Variants in PKN2 observed in about 807,000 individuals in gnomAD.
PKN2 encodes protein kinase N2.
Under a neutral mutation model 119.1 loss-of-function variants are expected in PKN2, and 38 were observed. The observed-to-expected ratio is 0.32, with a 90% confidence interval of 0.25 to 0.42. PKN2 has a LOEUF of 0.42. Among genes scored for constraint, PKN2 ranks in the 10% least tolerant of loss-of-function variants. The pLI, the probability that PKN2 is intolerant of heterozygous loss-of-function variation, is 1.00. For synonymous variants in PKN2, 390 were observed against 384.9 expected, an observed-to-expected ratio of 1.01 and a Z score of -0.15; for missense variants, 850 against 1,165.1, an observed-to-expected ratio of 0.73 and a Z score of 3.94.
chr1:88,741,191 C>A lies in PKN2; in HGVS notation c.252C>A (p.Asn84Lys). ...AAAAAAGTTTGGCTTATGTAGACAA[C>A]ATTTTGAAAAAATCAAATAAAAAAT... ...TDKKSLAYVD[N>K]ILKKSNKKLE... Residue 84 changes from asparagine to lysine, a missense_variant, in exon 2 of 22, where the codon AAC becomes AAA. Physicochemically the swap from Asn to Lys is moderately conservative, Grantham distance 94. This residue lies in a region of PKN2 where 350 missense variants were observed against 511.1 expected (regional missense o/e 0.68). Coordinates refer to ENST00000370521, the MANE Select transcript of PKN2 (RefSeq NM_006256.4). 1 of 1,602,658 alleles carries A rather than the reference C, an allele frequency of 6.2e-7. No individual in the cohort carries two copies. The highest frequency in any genetic ancestry group is 8.5e-7 in the Non-Finnish European group (1 of 1,176,398).
At chr1:88,805,422 A>G in intron 10 of PKN2, 75 bp from the exon 11 acceptor site, 1 of 1,284,852 alleles carries the variant, frequency 7.8e-7, no homozygotes, top group Non-Finnish European at 1.1e-6. Context: ...CTAATGGATA[A>G]GAATTTTTAA....
chr1:88,820,198 A>AACC lies in PKN2; in HGVS notation c.2280-1743_2280-1742insACC, dbSNP rs1672198755. 1.4e-4 allele frequency among the ~76,000 whole-genome samples: 6 copies of AACC among 43,934 alleles called. No homozygotes were observed. The South Asian group carries it at 6.0e-3, about 44-fold the overall frequency. The allele number at this position is 43,934 out of a possible 152,430, so 28.8% of individuals were successfully genotyped here. A position where few individuals can be genotyped will look rare whatever the true frequency, so the allele number is the denominator to read the frequency against. ...CAGAAACCTATATATATATATATAT[A>AACC]TATATATATATATATATATATATAT... On this transcript the variant is annotated intron_variant, in intron 16 of 21. Coordinates refer to ENST00000370521, the MANE Select transcript of PKN2 (RefSeq NM_006256.4).
intron 3 of PKN2, among the ~76,000 whole-genome samples, chr1:88,764,914 G>C (rs1023597112): frequency 6.6e-6 from 1 of 151,746 alleles, no homozygotes; most frequent in African/African-American, 2.4e-5. Flanking sequence ...TGTTGTTATT[G>C]TTGTTTTGTT....
At chr1:88,806,332 G>C (rs1671539765) in intron 12 of PKN2, 1 of 286,232 alleles carries the variant, frequency 3.5e-6, no homozygotes, top group Non-Finnish European at 6.7e-6. Context: ...ACCATGCCTG[G>C]CTAATTTTTG....
chr1:88,740,205 C>G (rs975662374), intron 1 of PKN2, among the ~76,000 whole-genome samples: 2 of 151,954 alleles, frequency 1.3e-5, no homozygotes, highest in Non-Finnish European at 2.9e-5. Context: ...AACCAACCTC[C>G]CACACATACC....
chr1:88,818,059 G>A (rs1330640674), intron 16 of PKN2, among the ~76,000 whole-genome samples: 2 of 152,068 alleles, frequency 1.3e-5, no homozygotes. Context: ...AAAATCACAA[G>A]CATAATACAC....
rs757183405 is a variant in PKN2, at chr1:88,770,313, CTTTA to C, written c.505-35_505-32del. 4.2e-6 allele frequency: 5 copies of C among 1,197,964 alleles called. 1 individual carries two copies. The South Asian group carries it at 6.1e-5, about 15-fold the overall frequency. The allele number at this position is 1,197,964 out of a possible 1,614,324, so 74.2% of individuals were successfully genotyped here. On this transcript the variant is annotated intron_variant, in intron 3 of 21. Coordinates refer to ENST00000370521, the MANE Select transcript of PKN2 (RefSeq NM_006256.4). ...AGATAGGAAAATGTTTCATTTTTCC[CTTTA>C]TTTGCTTAATTTTTCAAACTTATTT...
rs537530284 is a variant in PKN2, at chr1:88,705,812, A to G, written c.48+21184A>G. On this transcript the variant is annotated intron_variant, in intron 1 of 21. Coordinates refer to ENST00000370521, the MANE Select transcript of PKN2 (RefSeq NM_006256.4). ...TTCTGCTCTCTCCTGATCCATTGCTATATTTATTATTATTTTTTTTTGCCA... is the reference window on the plus strand; with the variant it reads ...TTCTGCTCTCTCCTGATCCATTGCTGTATTTATTATTATTTTTTTTTGCCA... Among the ~76,000 whole-genome samples, 13 of 151,920 alleles carry G rather than the reference A, an allele frequency of 8.6e-5. No individual in the cohort carries two copies. The East Asian group carries it at 2.3e-3, about 27-fold the overall frequency.
At chr1:88,708,570 A>T (rs10801682) in intron 1 of PKN2, among the ~76,000 whole-genome samples, 76,556 of 150,982 alleles carry the variant, frequency 0.51, 20,056 homozygotes, top group Middle Eastern at 0.71. Flanking sequence ...TGAGAAATGA[A>T]GTGTATTTCG....
At chr1:88,819,282 A>G (rs1327940163) in intron 16 of PKN2, among the ~76,000 whole-genome samples, 1 of 152,224 alleles carries the variant, frequency 6.6e-6, no homozygotes, top group Non-Finnish European at 1.5e-5. Flanking sequence ...TCCATCTGAC[A>G]AAGGGCTAAT....
rs1333499772 is a variant in PKN2 at position 88,813,592 on chromosome 1, A to C, written c.2138A>C (p.Asn713Thr). Residue 713 changes from asparagine to threonine, a missense_variant, in exon 16 of 22, where the codon AAT becomes ACT. Coordinates refer to ENST00000370521, the MANE Select transcript of PKN2 (RefSeq NM_006256.4). ...GAAAAAAGAATTTTTGAAACTGTGA[A>C]TAGTGTAAGGCATCCCTTTTTGGTG... ...MCEKRIFETV[N>T]SVRHPFLVNL... is the part of the protein sequence containing the mutation. 1 of 1,599,560 alleles carries C rather than the reference A, an allele frequency of 6.3e-7. No individual in the cohort carries two copies. Among genetic ancestry groups the C allele is most frequent in the African/African-American group, 1.4e-5 (1 of 73,896 alleles).
intron 8 of PKN2, among the ~76,000 whole-genome samples, chr1:88,792,522 A>T (rs1670887118): frequency 6.6e-6 from 1 of 152,198 alleles, no homozygotes; most frequent in Admixed American, 6.5e-5. Context: ...TAGGGAGCAC[A>T]AGCCTACATT....
intron 1 of PKN2, among the ~76,000 whole-genome samples, chr1:88,734,199 G>A (rs1159627301): frequency 6.6e-6 from 1 of 151,506 alleles, no homozygotes; most frequent in African/African-American, 2.4e-5. Flanking sequence ...TTAGAGTTTT[G>A]GATTTAGAAT....
chr1:88,689,555 A>G (rs1666248088), intron 1 of PKN2, among the ~76,000 whole-genome samples: 1 of 152,194 alleles, frequency 6.6e-6, no homozygotes, highest in Admixed American at 6.5e-5. Context: ...TCACACCTGT[A>G]ATTCCAGTGC....
intron 18 of PKN2, among the ~76,000 whole-genome samples, chr1:88,826,642 TA>T (rs1055638231): frequency 6.6e-6 from 1 of 152,114 alleles, no homozygotes; most frequent in African/African-American, 2.4e-5. Context: ...TAGATGGTAT[TA>T]TTAACTCTCA....
intron 1 of PKN2, among the ~76,000 whole-genome samples, chr1:88,703,119 G>A (rs1353373135): frequency 6.6e-6 from 1 of 152,058 alleles, no homozygotes; most frequent in East Asian, 1.9e-4. Flanking sequence ...TCAATAAAAT[G>A]CAGTAGTTAT....
intron 6 of PKN2, among the ~76,000 whole-genome samples, chr1:88,777,155 CT>C (rs1670141696): frequency 6.6e-6 from 1 of 152,146 alleles, no homozygotes; most frequent in Non-Finnish European, 1.5e-5. Context: ...AATTGGCTCA[CT>C]TTTTCTTCTG....
Position 88,771,577 on chromosome 1 carries a change from A to C in PKN2, c.768+11A>C. 6.4e-7 allele frequency: 1 copy of C among 1,566,892 alleles called. No individual in the cohort carries two copies. Among genetic ancestry groups the C allele is most frequent in the Non-Finnish European group, 8.6e-7 (1 of 1,159,672 alleles). ...AAAGCACTTTCAGAAGTAATTTTAA[A>C]TAAAAATTTTTATTTGGTTTAATAA... On this transcript the variant is annotated intron_variant, in intron 5 of 21. Coordinates refer to ENST00000370521, the MANE Select transcript of PKN2 (RefSeq NM_006256.4).
rs3767381 is a variant in PKN2 at position 88,742,238 on chromosome 1, C to T, written c.349+950C>T. On this transcript the variant is annotated intron_variant, in intron 2 of 21. Transcript: ENST00000370521. The stretch of plus-strand genomic sequence containing the variant: ...AATTTAGAAGAACGTGTGTGATTAG[C>T]TAATAAATAATAGATGTAAGTAATT... Among the ~76,000 whole-genome samples the T allele has an allele frequency of 1.1e-3, 165 of 152,068 alleles. 2 individuals carry two copies. In the East Asian group the frequency reaches 0.014, roughly 13 times the overall value.
Sources: allele counts gnomAD v4.1 joint callset (sites outside exome capture counted in the v4.1 genomes callset), GRCh38; gene constraint gnomAD v4.1.1; regional missense constraint gnomAD v4.1.1; transcripts MANE v1.5; gene names NCBI Gene and HGNC (gene_info 2026-07-23, HGNC 2026-07-21).